ANGPT1: variants seen among roughly 807,000 people sequenced by gnomAD.
The protein encoded by ANGPT1 is angiopoietin 1.
In ANGPT1, 17 loss-of-function variants were observed where a neutral mutation model predicts 62.2. That is an observed-to-expected ratio of 0.27 (90% CI 0.19 to 0.41). The LOEUF (loss-of-function observed/expected upper bound fraction) is 0.41. Among genes scored for constraint, ANGPT1 ranks in the 10% least tolerant of loss-of-function variants. ANGPT1 has a pLI of 1.00. For synonymous variants in ANGPT1, 199 were observed against 198.9 expected (o/e 1.00, Z 0.00); for missense variants, 478 against 594.9 (o/e 0.80, Z 2.04).
At chr8:107,399,094 T>C (rs2130325050) in intron 1 of ANGPT1, among the ~76,000 whole-genome samples, 1 of 152,350 alleles carries the variant, frequency 6.6e-6, no homozygotes, top group Non-Finnish European at 1.5e-5. Flanking sequence ...TTACTTCTAT[T>C]GGTAATAGTG....
chr8:107,493,553 T>G (rs1235907771), intron 1 of ANGPT1, among the ~76,000 whole-genome samples: 9 of 150,686 alleles, frequency 6.0e-5, no homozygotes, highest in Non-Finnish European at 1.3e-4. Context: ...CCATAGGTTA[T>G]AGTCCTTGCC....
At chr8:107,460,043 C>T (rs1812026679) in intron 1 of ANGPT1, among the ~76,000 whole-genome samples, 1 of 152,178 alleles carries the variant, frequency 6.6e-6, no homozygotes, top group South Asian at 2.1e-4. Flanking sequence ...CATTTCACTA[C>T]TTGTTTTTAG....
chr8:107,332,024 T>A (rs1194377976), intron 3 of ANGPT1, among the ~76,000 whole-genome samples: 3 of 152,188 alleles, frequency 2.0e-5, no homozygotes. Context: ...CTGGGAAAAC[T>A]GGCCAGTTGA....
intron 1 of ANGPT1, among the ~76,000 whole-genome samples, chr8:107,459,096 C>T (rs1215918008): frequency 6.6e-6 from 1 of 152,104 alleles, no homozygotes; most frequent in African/African-American, 2.4e-5. Context: ...ATCCTTTTGT[C>T]CTCTCCCTCA....
At chr8:107,405,661 A>C (rs865897894) in intron 1 of ANGPT1, among the ~76,000 whole-genome samples, 6 of 152,034 alleles carry the variant, frequency 3.9e-5, no homozygotes, top group African/African-American at 1.4e-4. Flanking sequence ...TTCCAAAATC[A>C]GAAAAAATCA....
At chr8:107,388,985 A>G (rs1336127076) in intron 1 of ANGPT1, among the ~76,000 whole-genome samples, 1 of 152,202 alleles carries the variant, frequency 6.6e-6, no homozygotes, top group Admixed American at 6.6e-5. Context: ...ATGGCTGCAT[A>G]CACAGTGGAA....
At chr8:107,480,183 AG>A (rs1158138983) in intron 1 of ANGPT1, among the ~76,000 whole-genome samples, 2 of 152,162 alleles carry the variant, frequency 1.3e-5, no homozygotes, top group Non-Finnish European at 2.9e-5. Flanking sequence ...TTTAATATAA[AG>A]GGGAGTCTTC....
intron 1 of ANGPT1, among the ~76,000 whole-genome samples, chr8:107,429,426 G>A (rs577526487): frequency 1.8e-4 from 27 of 152,242 alleles, no homozygotes; most frequent in Non-Finnish European, 3.4e-4. Flanking sequence ...CCTTGAAGCC[G>A]AAGTTTCCAA....
At chr8:107,422,249 T>TC (rs1810912919) in intron 1 of ANGPT1, among the ~76,000 whole-genome samples, 1 of 152,102 alleles carries the variant, frequency 6.6e-6, no homozygotes, top group Admixed American at 6.6e-5. Flanking sequence ...GCAATCTGAT[T>TC]CCCCATTTAA....
intron 1 of ANGPT1, among the ~76,000 whole-genome samples, chr8:107,439,482 A>G (rs918911123): frequency 6.6e-6 from 1 of 152,228 alleles, no homozygotes; most frequent in Non-Finnish European, 1.5e-5. Context: ...TCTTTGATCT[A>G]TATTTATGGC....
intron 8 of ANGPT1, among the ~76,000 whole-genome samples, chr8:107,261,783 T>C (rs994832871): frequency 5.3e-5 from 8 of 151,948 alleles, no homozygotes; most frequent in Non-Finnish European, 8.8e-5. Context: ...TTTGATAATA[T>C]TGGGGCTGGT....
At chr8:107,470,619 G>T (rs905738529) in intron 1 of ANGPT1, among the ~76,000 whole-genome samples, 3 of 152,078 alleles carry the variant, frequency 2.0e-5, no homozygotes, top group African/African-American at 7.2e-5. Context: ...TTGCTGTGCA[G>T]AAGCTCTTTA....
At chr8:107,442,180 A>G (rs1811497915) in intron 1 of ANGPT1, among the ~76,000 whole-genome samples, 1 of 152,200 alleles carries the variant, frequency 6.6e-6, no homozygotes, top group Non-Finnish European at 1.5e-5. Context: ...AAACATTTGC[A>G]TGTTTCACAT....
chr8:107,464,930 A>C (rs1480866744), intron 1 of ANGPT1, among the ~76,000 whole-genome samples: 1 of 152,220 alleles, frequency 6.6e-6, no homozygotes, highest in Non-Finnish European at 1.5e-5. Flanking sequence ...TGCCCAACAC[A>C]TGGGGGGATC....
At chr8:107,312,301 A>G (rs1814893125) in intron 4 of ANGPT1, among the ~76,000 whole-genome samples, 1 of 152,132 alleles carries the variant, frequency 6.6e-6, no homozygotes. Flanking sequence ...AATTTCCCAT[A>G]TACTTTTTTT....
intron 1 of ANGPT1, among the ~76,000 whole-genome samples, chr8:107,488,887 T>A (rs1812884639): frequency 6.6e-6 from 1 of 152,216 alleles, no homozygotes; most frequent in African/African-American, 2.4e-5. Context: ...GTTAAAATGT[T>A]TTATGAAATC....
intron 1 of ANGPT1, among the ~76,000 whole-genome samples, chr8:107,357,756 G>C (rs1305830555): frequency 6.6e-6 from 1 of 152,128 alleles, no homozygotes; most frequent in Non-Finnish European, 1.5e-5. Flanking sequence ...AAGAACAGAA[G>C]TTTGAAAGCC....
chr8:107,390,246 C>A (rs1450085427), intron 1 of ANGPT1, among the ~76,000 whole-genome samples: 1 of 152,082 alleles, frequency 6.6e-6, no homozygotes, highest in Non-Finnish European at 1.5e-5. Context: ...TAGAAAGGGG[C>A]CTGCAAGTAT....
intron 1 of ANGPT1, among the ~76,000 whole-genome samples, chr8:107,415,847 G>A (rs1810725586): frequency 6.6e-6 from 1 of 152,126 alleles, no homozygotes; most frequent in Non-Finnish European, 1.5e-5. Flanking sequence ...AGGTAGTCAT[G>A]GAGGGCTCCC....
Sources: gnomAD v4.1 joint callset for allele counts (sites outside exome capture counted in the v4.1 genomes callset) on GRCh38, gnomAD v4.1.1 for gene constraint, MANE v1.5 for transcripts, NCBI Gene and HGNC (gene_info 2026-07-23, HGNC 2026-07-21) for gene names.